Variants in SNX30 observed in about 807,000 individuals in gnomAD.
SNX30 encodes sorting nexin-30.
SNX30 carries 24 observed loss-of-function variants against 46.4 expected under a neutral mutation model. The ratio of observed to expected loss-of-function variants is 0.52; its 90% confidence interval spans 0.37 to 0.73. The LOEUF is 0.73. Among genes scored for constraint, SNX30 ranks in the 30% least tolerant of loss-of-function variants. The pLI is 0.00. For missense variants in SNX30, 533 were observed against 555.7 expected (o/e 0.96, Z 0.41); for synonymous variants, 189 against 211.5 (o/e 0.89, Z 0.92).
rs1038215071 is a variant in SNX30 at position 112,870,153 on chromosome 9, G to A, written c.*1310G>A. 6.6e-6 allele frequency: 1 copy of A among 152,162 alleles called. No individual in the cohort carries two copies. The allele number at this position is 152,162 out of a possible 1,614,324, so 9.4% of individuals were successfully genotyped here. On this transcript the variant is annotated 3_prime_UTR_variant, in exon 9 of 9. Transcript: ENST00000374232. ...AGATCACAAAGCAAACAGTCACCAA[G>A]GATCTGTCTTCCAACTCTTTTTTTT...
downstream of SNX30, chr9:112,879,651 G>T (rs897849265): frequency 6.2e-6 from 6 of 961,262 alleles, no homozygotes; most frequent in East Asian, 1.5e-4. Context: ...TGGCTGGAAC[G>T]CAGGTTTCTT....
intron 2 of SNX30, 59 bp downstream of exon 2, chr9:112,805,026 C>T: frequency 7.1e-7 from 1 of 1,409,628 alleles, no homozygotes; most frequent in South Asian, 1.6e-5. Context: ...TGGGGTCTAC[C>T]TCAGTGAATT....
chr9:112,824,708 T>A (rs1840555150), intron 3 of SNX30, among the ~76,000 whole-genome samples: 1 of 152,220 alleles, frequency 6.6e-6, no homozygotes, highest in Non-Finnish European at 1.5e-5. Flanking sequence ...TGGGGCTGTC[T>A]GCATTCCTTG....
intron 1 of SNX30, among the ~76,000 whole-genome samples, chr9:112,752,033 G>A (rs1262374555): frequency 6.6e-6 from 1 of 152,138 alleles, no homozygotes; most frequent in Non-Finnish European, 1.5e-5. Context: ...AATTAGAATT[G>A]TTCTCAGGTC....
At chr9:112,832,981 A>G (rs1840693063) in intron 4 of SNX30, among the ~76,000 whole-genome samples, 1 of 151,686 alleles carries the variant, frequency 6.6e-6, no homozygotes, top group Non-Finnish European at 1.5e-5. Context: ...GCCCTAATTC[A>G]GTATCGCTTG....
intron 1 of SNX30, among the ~76,000 whole-genome samples, chr9:112,762,410 C>T (rs1839455400): frequency 6.6e-6 from 1 of 151,866 alleles, no homozygotes; most frequent in South Asian, 2.1e-4. Flanking sequence ...CATGCTGGGG[C>T]TGTAGAGAAA....
chr9:112,767,945 C>T (rs1839573517), intron 1 of SNX30, among the ~76,000 whole-genome samples: 1 of 152,112 alleles, frequency 6.6e-6, no homozygotes, highest in Non-Finnish European at 1.5e-5. Flanking sequence ...TGTTGATATC[C>T]TAATTGGATG....
intron 6 of SNX30, among the ~76,000 whole-genome samples, chr9:112,849,122 A>T (rs1840984879): frequency 6.6e-6 from 1 of 152,174 alleles, no homozygotes; most frequent in Non-Finnish European, 1.5e-5. Flanking sequence ...AGTGATAAGC[A>T]TCCCACATGG....
At chr9:112,793,807 T>TG (rs370549619) in intron 1 of SNX30, among the ~76,000 whole-genome samples, 16 of 151,596 alleles carry the variant, frequency 1.1e-4, no homozygotes, top group African/African-American at 3.1e-4. Context: ...GTTTTTTGTT[T>TG]TTTTTTTTTT....
At chr9:112,815,041 G>A (rs533548644) in intron 2 of SNX30, among the ~76,000 whole-genome samples, 23 of 152,234 alleles carry the variant, frequency 1.5e-4, no homozygotes, top group East Asian at 1.3e-3. Context: ...ATGAATATGC[G>A]TAGAAAAATA....
chr9:112,756,677 T>G (rs1588104367), intron 1 of SNX30, among the ~76,000 whole-genome samples: 1 of 152,114 alleles, frequency 6.6e-6, no homozygotes, highest in Non-Finnish European at 1.5e-5. Flanking sequence ...GCCAGGCTGG[T>G]CTCGAACTCC....
chr9:112,838,906 G>A (rs1840812493), intron 6 of SNX30, among the ~76,000 whole-genome samples: 1 of 152,126 alleles, frequency 6.6e-6, no homozygotes, highest in Admixed American at 6.5e-5. Flanking sequence ...AGTTTGGTAA[G>A]AAATTCTTAC....
intron 6 of SNX30, among the ~76,000 whole-genome samples, chr9:112,845,432 T>C (rs1840924514): frequency 6.6e-6 from 1 of 152,166 alleles, no homozygotes; most frequent in Middle Eastern, 3.2e-3. Flanking sequence ...AGAATAAATC[T>C]AGAGTCTGTT....
intron 6 of SNX30, among the ~76,000 whole-genome samples, chr9:112,843,907 CT>C (rs1344158454): frequency 6.6e-6 from 1 of 152,152 alleles, no homozygotes; most frequent in African/African-American, 2.4e-5. Flanking sequence ...ATCTTAAAGG[CT>C]GGTAAGAGTC....
At chr9:112,751,185 A>G in intron 1 of SNX30, 28 bp downstream of exon 1, 1 of 1,434,190 alleles carries the variant, frequency 7.0e-7, no homozygotes. Context: ...GGGGAGTGGG[A>G]GGCTTATTTC....
intron 3 of SNX30, among the ~76,000 whole-genome samples, chr9:112,824,853 C>T (rs890823717): frequency 2.6e-5 from 4 of 152,094 alleles, no homozygotes; most frequent in African/African-American, 9.7e-5. Context: ...CTGAAGTGTC[C>T]AATTCAGTGA....
At chr9:112,786,414 C>G (rs1442019549) in intron 1 of SNX30, among the ~76,000 whole-genome samples, 2 of 152,130 alleles carry the variant, frequency 1.3e-5, no homozygotes, top group East Asian at 3.8e-4. Flanking sequence ...AGCCACCCTG[C>G]CTGGCCTCTT....
At chr9:112,767,690 A>G (rs1485967861) in intron 1 of SNX30, among the ~76,000 whole-genome samples, 1 of 152,122 alleles carries the variant, frequency 6.6e-6, no homozygotes, top group Non-Finnish European at 1.5e-5. Context: ...CCCAGGCTCA[A>G]GTGATCCTCC....
At chr9:112,796,431 G>A (rs917015030) in intron 1 of SNX30, among the ~76,000 whole-genome samples, 4 of 152,164 alleles carry the variant, frequency 2.6e-5, no homozygotes, top group Admixed American at 6.5e-5. Flanking sequence ...TGTGGACGCC[G>A]TGTGTCCCGT....
Sources: allele counts gnomAD v4.1 joint callset (sites outside exome capture counted in the v4.1 genomes callset), GRCh38; gene constraint gnomAD v4.1.1; transcripts MANE v1.5; gene names NCBI Gene and HGNC (gene_info 2026-07-23, HGNC 2026-07-21).